Variants in ZNF90 observed in about 807,000 individuals in gnomAD.
ZNF90 encodes zinc finger protein 90, also known as zinc finger protein HTF9.
Under a neutral mutation model 12.0 loss-of-function variants are expected in ZNF90, and 11 were observed. The observed-to-expected ratio is 0.92, with a 90% CI of 0.58 to 1.52. The LOEUF (loss-of-function observed/expected upper bound fraction) is 1.52, where lower values mean the gene tolerates loss of function less well. Among genes scored for constraint, ZNF90 ranks in the 40% most tolerant of loss-of-function variants. The pLI is 0.00. For synonymous variants in ZNF90, 232 were observed against 240.1 expected (o/e 0.97, Z 0.31); for missense variants, 765 against 711.5 (o/e 1.08, Z -0.86).
chr19:20,113,957 T>G (rs1555705423), intron 3 of ZNF90, among the ~76,000 whole-genome samples: 2 of 151,268 alleles, frequency 1.3e-5, no homozygotes. Flanking sequence ...GTATTATTGT[T>G]TACTTATGTG....
chr19:20,120,371 G>A lies in ZNF90; in HGVS notation c.*1011G>A, dbSNP rs1339835533. Among the ~76,000 whole-genome samples, 1 of 152,118 alleles carries A rather than the reference G, an allele frequency of 6.6e-6. No homozygotes were observed. Among genetic ancestry groups the A allele is most frequent in the Non-Finnish European group, 1.5e-5 (1 of 68,022 alleles). On this transcript the variant is annotated 3_prime_UTR_variant, in exon 4 of 4. Transcript: ENST00000418063. ...GACAACCATTACACATATAAAGGGG[G>A]TTGTATTACCTTTACTTGCATCACA...
At chr19:20,080,326 C>G in intron 1 of ZNF90, 1 of 516,570 alleles carries the variant, frequency 1.9e-6, no homozygotes, top group Admixed American at 2.4e-5. Flanking sequence ...TTTACCAGTA[C>G]AACACTCTGA....
At chr19:20,099,656 C>G (rs782083643) in intron 1 of ZNF90, among the ~76,000 whole-genome samples, 1 of 152,218 alleles carries the variant, frequency 6.6e-6, no homozygotes, top group Admixed American at 6.5e-5. Flanking sequence ...CTCCCAGCCA[C>G]TAAGTTGTGA....
intron 1 of ZNF90, among the ~76,000 whole-genome samples, chr19:20,091,397 T>G (rs544772723): frequency 6.6e-6 from 1 of 152,306 alleles, no homozygotes; most frequent in African/African-American, 2.4e-5. Flanking sequence ...GAAGAGGTTA[T>G]GAAATGATGA....
chr19:20,104,210 ATG>A, intron 1 of ZNF90, 27 bp from the exon 2 acceptor site: 5 of 1,610,624 alleles, frequency 3.1e-6, no homozygotes, highest in Non-Finnish European at 2.5e-6. Flanking sequence ...CTTGGTAAAA[ATG>A]TGTGTGTGTA....
At chr19:20,117,046 T>TGAGA (rs376810203) in intron 3 of ZNF90, among the ~76,000 whole-genome samples, 32 of 141,016 alleles carry the variant, frequency 2.3e-4, no homozygotes, top group Admixed American at 6.5e-4. Flanking sequence ...TGTGTGTGTG[T>TGAGA]GAGAGAGAGA....
rs2089154917 is a variant in ZNF90 at position 20,117,942 on chromosome 19, T to C, written c.388T>C (p.Tyr130His). The change falls in exon 4 of 4, where the codon TAT (tyrosine) becomes CAT (histidine). Residue 130 changes from tyrosine (Y) to histidine (H), a missense_variant. Physicochemically the swap from Tyr to His is moderately conservative, Grantham distance 83. Transcript: ENST00000418063. ...VDEGKVHKRG[Y>H]NGLNQCLTAT... is the part of the protein sequence containing the mutation. ...TGAGGGTAAAGTACACAAAAGAGGT[T>C]ATAATGGACTTAACCAATGTTTGAC... 6.2e-7 allele frequency: 1 copy of C among 1,613,490 alleles called. No homozygotes were observed. Among genetic ancestry groups the C allele is most frequent in the Non-Finnish European group, 8.5e-7 (1 of 1,179,798 alleles).
intron 3 of ZNF90, among the ~76,000 whole-genome samples, chr19:20,108,849 C>T (rs1016489624): frequency 6.7e-6 from 1 of 148,370 alleles, no homozygotes; most frequent in Non-Finnish European, 1.5e-5. Flanking sequence ...GCATCAGCTT[C>T]CCGAGTAGCT....
intron 3 of ZNF90, among the ~76,000 whole-genome samples, chr19:20,111,832 T>G (rs1441714700): frequency 6.6e-6 from 1 of 151,850 alleles, no homozygotes; most frequent in African/African-American, 2.4e-5. Context: ...TAAAATTATT[T>G]TATATGCTGT....
intron 3 of ZNF90, among the ~76,000 whole-genome samples, chr19:20,112,050 C>T (rs1015776779): frequency 8.6e-5 from 13 of 151,700 alleles, no homozygotes; most frequent in South Asian, 6.3e-4. Context: ...GTAGAGAGAG[C>T]GTTTCACAAT....
chr19:20,112,994 T>A (rs781822856), intron 3 of ZNF90, among the ~76,000 whole-genome samples: 15 of 152,188 alleles, frequency 9.9e-5, no homozygotes, highest in Admixed American at 5.9e-4. Context: ...TTTTTGTTTA[T>A]AATTGTATAT....
At chr19:20,099,174 A>G (rs2088970648) in intron 1 of ZNF90, among the ~76,000 whole-genome samples, 1 of 151,766 alleles carries the variant, frequency 6.6e-6, no homozygotes, top group South Asian at 2.1e-4. Flanking sequence ...AAGAAATATT[A>G]TTATGCTTTT....
intron 1 of ZNF90, among the ~76,000 whole-genome samples, chr19:20,094,815 C>CTAA (rs2088930091): frequency 6.6e-6 from 1 of 152,146 alleles, no homozygotes; most frequent in South Asian, 2.1e-4. Flanking sequence ...GAGAAAGAGC[C>CTAA]TAAACATTGA....
At chr19:20,106,465 C>G (rs1173870889) in intron 3 of ZNF90, among the ~76,000 whole-genome samples, 1 of 152,008 alleles carries the variant, frequency 6.6e-6, no homozygotes, top group Non-Finnish European at 1.5e-5. Flanking sequence ...TTCAGGTTTT[C>G]TTTTTTTGAG....
chr19:20,099,689 C>T (rs975102615), intron 1 of ZNF90, among the ~76,000 whole-genome samples: 18 of 152,180 alleles, frequency 1.2e-4, no homozygotes, highest in African/African-American at 3.9e-4. Flanking sequence ...GCTGTCTTCA[C>T]ATGCTTTTCT....
At chr19:20,086,279 G>C (rs1466632514) in intron 1 of ZNF90, among the ~76,000 whole-genome samples, 1 of 138,888 alleles carries the variant, frequency 7.2e-6, no homozygotes, top group Non-Finnish European at 1.5e-5. Flanking sequence ...CTCTTGCCCA[G>C]GCTGGAGTTC....
chr19:20,097,781 G>A lies in ZNF90; in HGVS notation c.4-6458G>A, dbSNP rs190717071. On this transcript the variant is annotated intron_variant, in intron 1 of 3. Coordinates refer to ENST00000418063, the MANE Select transcript of ZNF90 (RefSeq NM_007138.2). ...CTCCCTTTGAACTATGTATTCAAAT[G>A]TATGTATCTGTTGAAACTGTTCACA... is the stretch of plus-strand genomic sequence containing the variant. Among the ~76,000 whole-genome samples the A allele has an allele frequency of 6.6e-5, 10 of 152,288 alleles. No individual in the cohort carries two copies. In the East Asian group the frequency reaches 1.7e-3, roughly 26 times the overall value.
At chr19:20,092,575 T>G (rs1255572640) in intron 1 of ZNF90, among the ~76,000 whole-genome samples, 1 of 152,176 alleles carries the variant, frequency 6.6e-6, no homozygotes, top group Non-Finnish European at 1.5e-5. Context: ...CTAGGTTTCC[T>G]TTTGTGAGTT....
intron 1 of ZNF90, 127 bp downstream of exon 1, chr19:20,078,262 C>A: frequency 7.8e-7 from 1 of 1,284,094 alleles, no homozygotes. Context: ...TCTCCTTGCC[C>A]AGTTCGGCCT....
Sources: gnomAD v4.1 joint callset for allele counts (sites outside exome capture counted in the v4.1 genomes callset) on GRCh38, gnomAD v4.1.1 for gene constraint, MANE v1.5 for transcripts, NCBI Gene and HGNC (gene_info 2026-07-23, HGNC 2026-07-21) for gene names.